The following C1orf87 variants were observed in gnomAD, a reference collection of about 807,000 sequenced individuals.
The protein encoded by C1orf87 is chromosome 1 open reading frame 87.
A neutral mutation model predicts 60.5 loss-of-function variants in C1orf87; 58 were observed. The ratio of observed to expected loss-of-function variants is 0.96; its 90% confidence interval spans 0.78 to 1.19. C1orf87 has a LOEUF of 1.19. C1orf87 is among the 50% of genes most tolerant of loss of function. The pLI is 0.00. For missense variants in C1orf87, 673 were observed against 638.6 expected (o/e 1.05, Z -0.58); for synonymous variants, 236 against 227.4 (o/e 1.04, Z -0.34).
chr1:60,048,669 T>G (rs1645390941), intron 3 of C1orf87, among the ~76,000 whole-genome samples: 1 of 152,106 alleles, frequency 6.6e-6, no homozygotes, highest in Non-Finnish European at 1.5e-5. Flanking sequence ...ATGGTTTCTA[T>G]TTTTTATCCA....
intron 3 of C1orf87, among the ~76,000 whole-genome samples, chr1:60,048,767 A>G (rs543175218): frequency 6.6e-6 from 1 of 152,172 alleles, no homozygotes; most frequent in African/African-American, 2.4e-5. Flanking sequence ...CATAAGGGAT[A>G]TGTACATAAT....
At chr1:60,071,159 A>G (rs1198117019) in intron 2 of C1orf87, among the ~76,000 whole-genome samples, 1 of 152,206 alleles carries the variant, frequency 6.6e-6, no homozygotes, top group Non-Finnish European at 1.5e-5. Flanking sequence ...AGGGACATCA[A>G]ACATTTCAGA....
At chr1:60,046,557 G>A (rs1450397060) in intron 3 of C1orf87, among the ~76,000 whole-genome samples, 1 of 150,260 alleles carries the variant, frequency 6.7e-6, no homozygotes, top group African/African-American at 2.5e-5. Flanking sequence ...CCCTGTCTCA[G>A]CCTCCCAAGT....
intron 7 of C1orf87, among the ~76,000 whole-genome samples, chr1:60,026,545 A>G (rs903683062): frequency 6.6e-6 from 1 of 151,750 alleles, no homozygotes; most frequent in Non-Finnish European, 1.5e-5. Flanking sequence ...AAGGAAGAAG[A>G]GAGGAAACAA....
In C1orf87 at chr1:60,003,037, C is replaced by T. The variant is rs574706680; in HGVS notation, c.1193-1881G>A. Among the ~76,000 whole-genome samples the T allele has an allele frequency of 5.1e-4, 77 of 151,124 alleles. 1 individual carries two copies. Among genetic ancestry groups the T allele is most frequent in the Non-Finnish European group, 8.9e-4 (60 of 67,756 alleles). On this transcript the variant is annotated intron_variant, in intron 9 of 11. Transcript: ENST00000371201. ...ACATGCACACGTATGTTTATTGTGG[C>T]ATTATTCACAATAGCAAAGACTTGG...
At chr1:60,022,602 T>G (rs1645171348) in intron 8 of C1orf87, among the ~76,000 whole-genome samples, 1 of 152,242 alleles carries the variant, frequency 6.6e-6, no homozygotes, top group Non-Finnish European at 1.5e-5. Flanking sequence ...TTCTTCACAA[T>G]TGTACAAATA....
At chr1:60,037,248 C>A (rs953961324) in intron 6 of C1orf87, among the ~76,000 whole-genome samples, 2 of 152,182 alleles carry the variant, frequency 1.3e-5, no homozygotes, top group South Asian at 4.1e-4. Context: ...TGTGTTGAAA[C>A]CCTAATGCCA....
chr1:60,053,513 T>C (rs2100316302), intron 3 of C1orf87, among the ~76,000 whole-genome samples: 1 of 152,294 alleles, frequency 6.6e-6, no homozygotes, highest in African/African-American at 2.4e-5. Context: ...TAGTTCTGAG[T>C]ACAACTCTCA....
chr1:60,034,129 G>A (rs182830255), intron 6 of C1orf87, among the ~76,000 whole-genome samples: 24 of 152,268 alleles, frequency 1.6e-4, no homozygotes, highest in Admixed American at 1.0e-3. Context: ...TCCTGAACCA[G>A]CTGGATTTCC....
intron 11 of C1orf87, among the ~76,000 whole-genome samples, chr1:59,995,972 C>G (rs1644960686): frequency 6.6e-6 from 1 of 152,212 alleles, no homozygotes; most frequent in Non-Finnish European, 1.5e-5. Flanking sequence ...CCTCTTGGTT[C>G]AGCCTCTAAC....
Position 60,044,751 on chromosome 1 carries a change from T to G in C1orf87, c.343-3620A>C, listed in dbSNP as rs541664414. Among the ~76,000 whole-genome samples the G allele has an allele frequency of 5.9e-5, 9 of 152,312 alleles. No individual in the cohort carries two copies. The South Asian group carries it at 1.9e-3, about 32-fold the overall frequency. On this transcript the variant is annotated intron_variant, in intron 3 of 11. Transcript: ENST00000371201. ...GATAAAATGAGAAATTTTATCAAGA[T>G]TCCCCAGGTTTCTGACCTTGGGATT... is the stretch of plus-strand genomic sequence containing the variant.
At chr1:60,032,140 G>A (rs111463551) in intron 7 of C1orf87, among the ~76,000 whole-genome samples, 7 of 152,058 alleles carry the variant, frequency 4.6e-5, no homozygotes, top group South Asian at 2.1e-4. Flanking sequence ...AAATATCACC[G>A]TTCTTTTAAA....
At chr1:60,031,752 T>G (rs1461544909) in intron 7 of C1orf87, among the ~76,000 whole-genome samples, 1 of 152,224 alleles carries the variant, frequency 6.6e-6, no homozygotes, top group Non-Finnish European at 1.5e-5. Flanking sequence ...ATTTTGATTT[T>G]CAAGTTGTTT....
Position 59,990,975 on chromosome 1 carries a change from G to A in C1orf87, c.1481-142C>T, listed in dbSNP as rs1365464338. 14 of 761,372 alleles carry A rather than the reference G, an allele frequency of 1.8e-5. No individual in the cohort carries two copies. In the East Asian group the frequency reaches 3.5e-4, roughly 19 times the overall value. The allele number at this position is 761,372 out of a possible 1,614,324, so 47.2% of individuals were successfully genotyped here. Reference sequence around the variant, plus strand: ...TTTTAAGCTTCTTAAAAATCAAGTGGCATATTAAAAAATATTTATAGCTGT... The same window carrying A: ...TTTTAAGCTTCTTAAAAATCAAGTGACATATTAAAAAATATTTATAGCTGT... On this transcript the variant is annotated intron_variant, in intron 11 of 11. Transcript: ENST00000371201.
intron 11 of C1orf87, among the ~76,000 whole-genome samples, chr1:59,992,266 T>A (rs373223885): frequency 1.1e-4 from 14 of 123,434 alleles, no homozygotes; most frequent in African/African-American, 2.7e-4. Flanking sequence ...TTATTTATTT[T>A]TTATTTTGAG....
At chr1:59,991,808 G>C (rs773082595) in intron 11 of C1orf87, among the ~76,000 whole-genome samples, 3 of 152,154 alleles carry the variant, frequency 2.0e-5, no homozygotes, top group Non-Finnish European at 4.4e-5. Flanking sequence ...GATAGATTTT[G>C]ATGGCTGTTG....
At chr1:60,069,088 G>C (rs1025735771) in intron 2 of C1orf87, among the ~76,000 whole-genome samples, 4 of 152,092 alleles carry the variant, frequency 2.6e-5, no homozygotes, top group African/African-American at 9.7e-5. Context: ...ACAGTAAATT[G>C]GGGAGACAGA....
At chr1:60,065,231 A>G (rs1478987461) in intron 2 of C1orf87, among the ~76,000 whole-genome samples, 1 of 150,658 alleles carries the variant, frequency 6.6e-6, no homozygotes, top group Non-Finnish European at 1.5e-5. Flanking sequence ...GATGCCCAAT[A>G]TTGGGCAAAC....
At chr1:60,032,517 AACCTCC>A (rs1217702279) in intron 7 of C1orf87, among the ~76,000 whole-genome samples, 1 of 141,208 alleles carries the variant, frequency 7.1e-6, no homozygotes, top group African/African-American at 2.7e-5. Context: ...GGCTCACTGC[AACCTCC>A]ACCTCCCAGG....
Sources: allele counts gnomAD v4.1 joint callset (sites outside exome capture counted in the v4.1 genomes callset), GRCh38; gene constraint gnomAD v4.1.1; transcripts MANE v1.5; gene names NCBI Gene and HGNC (gene_info 2026-07-23, HGNC 2026-07-21).